The following HDAC9 variants were observed in gnomAD, a reference collection of about 807,000 sequenced individuals.
HDAC9 encodes histone deacetylase 9, also known as MEF-2 interacting transcription repressor (MITR) protein.
Under a neutral mutation model 139.4 loss-of-function variants are expected in HDAC9, and 41 were observed. The observed-to-expected ratio is 0.29, with a 90% CI of 0.23 to 0.38. The LOEUF is 0.38. Among genes scored for constraint, HDAC9 ranks in the 10% least tolerant of loss-of-function variants. HDAC9 has a pLI of 1.00. For synonymous variants in HDAC9, 517 were observed against 476.2 expected, an observed-to-expected ratio of 1.09 and a Z score of -1.12; for missense variants, 1,147 against 1,297.0, an observed-to-expected ratio of 0.88 and a Z score of 1.78.
At chr7:18,462,478 A>T (rs1211621036) in intron 1 of HDAC9, among the ~76,000 whole-genome samples, 1 of 152,086 alleles carries the variant, frequency 6.6e-6, no homozygotes. Context: ...TGAAGAAATA[A>T]AATAATGCCA....
chr7:18,437,630 C>T (rs1791333036), intron 1 of HDAC9, among the ~76,000 whole-genome samples: 1 of 150,656 alleles, frequency 6.6e-6, no homozygotes, highest in South Asian at 2.1e-4. Context: ...TACCACAGTA[C>T]ACGCACACAT....
Position 18,466,031 on chromosome 7 carries a change from A to G in HDAC9, c.-41-30231A>G, listed in dbSNP as rs113137759. 7.8e-3 allele frequency among the ~76,000 whole-genome samples: 1,191 copies of G among 152,262 alleles called. 14 individuals are homozygous for G. The highest frequency in any genetic ancestry group is 0.027 in the African/African-American group (1,124 of 41,566). ...AAAGTATTAGTGGGGCACATTGGCT[A>G]TGTTCTTTGCTGGAGGCTATAAGGG... On this transcript the variant is annotated intron_variant, in intron 1 of 3. Transcript: ENST00000413509.
At chr7:18,721,129 A>G (rs1785114269) in intron 12 of HDAC9, among the ~76,000 whole-genome samples, 1 of 152,172 alleles carries the variant, frequency 6.6e-6, no homozygotes. Flanking sequence ...CAAACATGCC[A>G]TAAGCATTAA....
intron 2 of HDAC9, among the ~76,000 whole-genome samples, chr7:18,240,042 C>T (rs1373668446): frequency 6.7e-6 from 1 of 150,176 alleles, no homozygotes; most frequent in African/African-American, 2.5e-5. Context: ...TAGTCGGTCT[C>T]ATCTCCTTAA....
chr7:18,978,511 T>C (rs967754525), intron 25 of HDAC9, among the ~76,000 whole-genome samples: 4 of 152,134 alleles, frequency 2.6e-5, no homozygotes, highest in Non-Finnish European at 5.9e-5. Flanking sequence ...CTTTTGGGGA[T>C]AGTTAATTTT....
intron 2 of HDAC9, among the ~76,000 whole-genome samples, chr7:18,580,318 A>T (rs1166866401): frequency 2.0e-5 from 3 of 152,192 alleles, no homozygotes; most frequent in Non-Finnish European, 4.4e-5. Context: ...TATGAACATT[A>T]AAAAGAAGGA....
chr7:18,155,384 C>G (rs1001451631), intron 1 of HDAC9, among the ~76,000 whole-genome samples: 2 of 152,238 alleles, frequency 1.3e-5, no homozygotes, highest in East Asian at 3.9e-4. Context: ...TCAAGGCTTA[C>G]TACGAAAAGG....
In HDAC9 at chr7:18,856,240, C is replaced by T. The variant is rs530034061; in HGVS notation, c.2685-18238C>T. 1.6e-4 allele frequency among the ~76,000 whole-genome samples: 24 copies of T among 152,212 alleles called. No individual in the cohort carries two copies. In the East Asian group the frequency reaches 4.6e-3, roughly 29 times the overall value. On this transcript the variant is annotated intron_variant, in intron 21 of 25. Transcript: ENST00000686413. ...GTAACTGATTAGATTTTTATAACTG[C>T]AGATCAAGTCCCTAAAATAAGAATC...
chr7:18,111,592 T>C (rs1290833025), intron 1 of HDAC9, among the ~76,000 whole-genome samples: 1 of 152,238 alleles, frequency 6.6e-6, no homozygotes, highest in Non-Finnish European at 1.5e-5. Context: ...GTCTCTATAT[T>C]ACTAATAATA....
At chr7:18,122,658 C>T (rs1784426824) in intron 1 of HDAC9, among the ~76,000 whole-genome samples, 1 of 151,884 alleles carries the variant, frequency 6.6e-6, no homozygotes, top group African/African-American at 2.4e-5. Context: ...TTGCTGTGTC[C>T]CCCAGGCTGG....
intron 12 of HDAC9, chr7:18,667,095 A>G (rs1445008118): frequency 2.0e-6 from 2 of 985,202 alleles, no homozygotes; most frequent in Non-Finnish European, 2.4e-6. Context: ...CATATTAGGA[A>G]TACAGGTGGT....
intron 1 of HDAC9, among the ~76,000 whole-genome samples, chr7:18,377,198 G>A (rs982166542): frequency 9.2e-5 from 14 of 152,086 alleles, no homozygotes; most frequent in African/African-American, 3.4e-4. Context: ...TCACATGGTG[G>A]ATGGGTGATG....
At chr7:18,752,559 A>C (rs371312646) in intron 14 of HDAC9, among the ~76,000 whole-genome samples, 1 of 152,134 alleles carries the variant, frequency 6.6e-6, no homozygotes, top group African/African-American at 2.4e-5. Context: ...ATGAGGAGGT[A>C]TAATCTCTGC....
At chr7:18,109,143 A>C (rs1315136615) in intron 1 of HDAC9, among the ~76,000 whole-genome samples, 1 of 152,242 alleles carries the variant, frequency 6.6e-6, no homozygotes, top group Admixed American at 6.5e-5. Flanking sequence ...GGAATTATCC[A>C]TGTGGAAACA....
At chr7:18,108,962 G>A (rs941081199) in intron 1 of HDAC9, among the ~76,000 whole-genome samples, 34 of 152,092 alleles carry the variant, frequency 2.2e-4, no homozygotes, top group Non-Finnish European at 8.8e-5. Flanking sequence ...TCAAAAGCTT[G>A]TTTTCTTCTT....
intron 1 of HDAC9, among the ~76,000 whole-genome samples, chr7:18,331,756 G>T (rs867013380): frequency 4.0e-5 from 6 of 151,620 alleles, no homozygotes; most frequent in African/African-American, 7.3e-5. Context: ...CTACAAGTTT[G>T]TTGGAGAGAG....
At chr7:18,377,671 C>A (rs1785100883) in intron 1 of HDAC9, among the ~76,000 whole-genome samples, 1 of 152,052 alleles carries the variant, frequency 6.6e-6, no homozygotes, top group Non-Finnish European at 1.5e-5. Context: ...TTCAGGTGTA[C>A]TTTATTCTTT....
intron 11 of HDAC9, among the ~76,000 whole-genome samples, chr7:18,665,624 T>C (rs1422330773): frequency 6.6e-6 from 1 of 152,162 alleles, no homozygotes; most frequent in African/African-American, 2.4e-5. Flanking sequence ...TTTTTTTAAA[T>C]CATACACCTC....
chr7:18,591,320 G>T (rs1390352821), intron 4 of HDAC9, among the ~76,000 whole-genome samples, 196 bp from the exon 5 acceptor site: 1 of 152,116 alleles, frequency 6.6e-6, no homozygotes, highest in African/African-American at 2.4e-5. Flanking sequence ...AAGCATTACT[G>T]TACTATTTTC....
Sources: allele counts gnomAD v4.1 joint callset (sites outside exome capture counted in the v4.1 genomes callset), GRCh38; gene constraint gnomAD v4.1.1; transcripts MANE v1.5; gene names NCBI Gene and HGNC (gene_info 2026-07-23, HGNC 2026-07-21).